The following PTPRE variants were observed in gnomAD, a reference collection of about 807,000 sequenced individuals.
PTPRE encodes receptor-type tyrosine-protein phosphatase epsilon.
PTPRE carries 51 observed loss-of-function variants against 102.0 expected under a neutral mutation model. The observed-to-expected ratio is 0.50, with a 90% CI of 0.40 to 0.63. The LOEUF (loss-of-function observed/expected upper bound fraction) is 0.63, where lower values mean the gene tolerates loss of function less well. PTPRE is among the 30% of genes least tolerant of loss of function. The probability of loss-of-function intolerance (pLI) is 0.00; values close to 1 mark genes in which losing one functional copy is unlikely to be tolerated. For synonymous variants in PTPRE, 345 were observed against 348.2 expected (o/e 0.99, Z 0.10); for missense variants, 752 against 915.1 (o/e 0.82, Z 2.30).
chr10:128,074,013 C>T (rs11016054), intron 17 of PTPRE, among the ~76,000 whole-genome samples: 40,688 of 152,138 alleles, frequency 0.27, 5,937 homozygotes, highest in East Asian at 0.4. Flanking sequence ...TGTGCAACCA[C>T]CACCACTATC....
Position 128,049,657 on chromosome 10 carries a change from G to A in PTPRE, c.411G>A (p.Glu137=). ...CCGACGACTGCAAGCAGTTTCGGGA[G>A]GAGTTCAACGTGAGTGTGGGGAGGG... is the stretch of plus-strand genomic sequence containing the variant. ...RSADDCKQFR[E]EFNSLPSGHI... is the part of the protein sequence containing the mutation. Residue 137 remains glutamate, a synonymous_variant, in exon 6 of 21, where the codon GAG becomes GAA. Transcript: ENST00000254667. 6.2e-7 allele frequency: 1 copy of A among 1,613,836 alleles called. No homozygotes were observed. The highest frequency in any genetic ancestry group is 8.5e-7 in the Non-Finnish European group (1 of 1,180,014).
chr10:127,987,183 C>A, intron 2 of PTPRE: 1 of 357,350 alleles, frequency 2.8e-6, no homozygotes, highest in Non-Finnish European at 3.9e-6. Flanking sequence ...TCCTTTGTCA[C>A]AGAGCAAAGG....
intron 1 of PTPRE, among the ~76,000 whole-genome samples, chr10:127,976,170 A>G (rs879464738): frequency 6.6e-6 from 1 of 152,198 alleles, no homozygotes; most frequent in Non-Finnish European, 1.5e-5. Flanking sequence ...AGTGACTGTC[A>G]GTATCTGAGA....
At chr10:128,017,252 G>A (rs985820939) in intron 2 of PTPRE, among the ~76,000 whole-genome samples, 17 of 152,156 alleles carry the variant, frequency 1.1e-4, no homozygotes, top group Admixed American at 1.1e-3. Flanking sequence ...GATCAAAAGA[G>A]TTTGGCGGGG....
chr10:127,992,116 G>T (rs756657646), intron 2 of PTPRE, among the ~76,000 whole-genome samples: 2 of 152,136 alleles, frequency 1.3e-5, no homozygotes, highest in Non-Finnish European at 2.9e-5. Flanking sequence ...AACACAGCTA[G>T]CAAGGAGGTG....
intron 1 of PTPRE, among the ~76,000 whole-genome samples, chr10:127,953,850 T>C (rs1854167): frequency 0.28 from 43,079 of 152,132 alleles, 6,444 homozygotes; most frequent in African/African-American, 0.36. Flanking sequence ...ATGTACCTGG[T>C]TGTGCACTTT....
chr10:128,040,361 G>A (rs925439969), intron 2 of PTPRE, among the ~76,000 whole-genome samples: 5 of 152,200 alleles, frequency 3.3e-5, no homozygotes, highest in African/African-American at 1.2e-4. Flanking sequence ...GCCCTGAAAG[G>A]ATCGAGGTTT....
intron 10 of PTPRE, among the ~76,000 whole-genome samples, chr10:128,063,842 G>T (rs553817522): frequency 2.6e-5 from 4 of 152,240 alleles, no homozygotes; most frequent in African/African-American, 7.2e-5. Context: ...GGGTGCGGGG[G>T]TGGGGTTGAG....
At chr10:127,918,347 A>G (rs1846354640) in intron 1 of PTPRE, among the ~76,000 whole-genome samples, 1 of 152,140 alleles carries the variant, frequency 6.6e-6, no homozygotes. Context: ...TCAGGAGGTC[A>G]GGAGATCAAG....
rs541917860 is a variant in PTPRE, at chr10:128,047,800, C to T, written c.246C>T (p.Ser82=). ...AGAGGAAAGCTGTGGTCAGCACCAG[C>T]GACAAGAAGATGCCCAACGGAATCT... The part of the protein sequence containing the change: ...RKQRKAVVST[S]DKKMPNGILE... Residue 82 remains serine, a synonymous_variant, in exon 5 of 21, where the codon AGC becomes AGT. Transcript: ENST00000254667. 5 of 1,605,256 alleles carry T rather than the reference C, an allele frequency of 3.1e-6. No homozygotes were observed. The highest frequency in any genetic ancestry group is 1.7e-5 in the Admixed American group (1 of 59,708).
chr10:127,934,240 G>A (rs887756434), intron 1 of PTPRE: 1 of 152,180 alleles, frequency 6.6e-6, no homozygotes, highest in African/African-American at 2.4e-5. Flanking sequence ...GTCTGCAGAG[G>A]AGTTCACACC....
intron 6 of PTPRE, 125 bp from the exon 7 acceptor site, chr10:128,055,998 G>A (rs375694942): frequency 8.3e-6 from 6 of 722,664 alleles, no homozygotes; most frequent in East Asian, 2.5e-5. Context: ...AGGCAGAGAC[G>A]GACTATGGAC....
chr10:127,957,906 A>C (rs1849519672), intron 1 of PTPRE, among the ~76,000 whole-genome samples: 1 of 152,160 alleles, frequency 6.6e-6, no homozygotes, highest in South Asian at 2.1e-4. Context: ...TCTTGTACAT[A>C]TTTTGTTAGG....
chr10:127,915,572 T>C (rs1030873960), intron 1 of PTPRE, among the ~76,000 whole-genome samples: 3 of 152,240 alleles, frequency 2.0e-5, no homozygotes, highest in African/African-American at 7.2e-5. Context: ...TCCATTTAAA[T>C]TCTTTTGCGC....
intron 1 of PTPRE, among the ~76,000 whole-genome samples, chr10:127,942,312 G>A (rs181274966): frequency 6.6e-6 from 1 of 152,238 alleles, no homozygotes; most frequent in Non-Finnish European, 1.5e-5. Context: ...CAGAGGTTTG[G>A]GTGCTGTTCA....
At chr10:128,041,075 G>C (rs768028562) in intron 3 of PTPRE, 85 bp downstream of exon 3, 181 of 1,159,702 alleles carry the variant, frequency 1.6e-4, no homozygotes, top group Non-Finnish European at 2.1e-4. Context: ...AGGGGCTTAG[G>C]GTAAGAGAAG....
chr10:127,935,023 C>A (rs1847744024), intron 1 of PTPRE, among the ~76,000 whole-genome samples: 2 of 152,216 alleles, frequency 1.3e-5, no homozygotes, highest in Admixed American at 6.5e-5. Flanking sequence ...ACCTCTGTGG[C>A]ATTTGCAAAC....
At chr10:127,960,443 A>G (rs1052818144) in intron 1 of PTPRE, among the ~76,000 whole-genome samples, 2 of 152,162 alleles carry the variant, frequency 1.3e-5, no homozygotes, top group Non-Finnish European at 2.9e-5. Context: ...CCCTTTGATC[A>G]CTTCTGTGTC....
In PTPRE at chr10:128,059,979, AC is replaced by A. The variant is rs1306764702; in HGVS notation, c.512-959del. On this transcript the variant is annotated intron_variant, in intron 7 of 20. Coordinates refer to ENST00000254667, the MANE Select transcript of PTPRE (RefSeq NM_006504.6). Reference sequence around the variant, plus strand: ...AACACACACACTACACACCCACCGCACATAACGCACACACATACACACTCCA... The same window carrying A: ...AACACACACACTACACACCCACCGCAATAACGCACACACATACACACTCCA... Among the ~76,000 whole-genome samples the A allele has an allele frequency of 1.7e-4, 26 of 149,902 alleles. 1 individual carries two copies. The highest frequency in any genetic ancestry group is 1.6e-3 in the Admixed American group (24 of 15,026).
Sources: allele counts gnomAD v4.1 joint callset (sites outside exome capture counted in the v4.1 genomes callset), GRCh38; gene constraint gnomAD v4.1.1; transcripts MANE v1.5; gene names NCBI Gene and HGNC (gene_info 2026-07-23, HGNC 2026-07-21).